Variants in UAP1L1 observed in about 807,000 individuals in gnomAD.
UAP1L1 encodes the protein UDP-N-acetylglucosamine pyrophosphorylase 1 like 1, also known as UDP-N-acetylhexosamine pyrophosphorylase-like protein 1.
In UAP1L1, 45 loss-of-function variants were observed where a neutral mutation model predicts 45.3. The ratio of observed to expected loss-of-function variants is 0.99; its 90% CI spans 0.78 to 1.27. The LOEUF is 1.27. Ranked by LOEUF, UAP1L1 falls within the 50% of genes most tolerant of loss-of-function variation. UAP1L1 has a pLI of 0.00. For synonymous variants in UAP1L1, 323 were observed against 303.9 expected, an observed-to-expected ratio of 1.06 and a Z score of -0.65; for missense variants, 667 against 694.0, an observed-to-expected ratio of 0.96 and a Z score of 0.44.
rs1281955762 is a variant in UAP1L1 at position 137,082,631 on chromosome 9, C to T, written c.1432-6C>T. 3 of 1,551,222 alleles carry T rather than the reference C, an allele frequency of 1.9e-6. No individual in the cohort carries two copies. The highest frequency in any genetic ancestry group is 1.4e-5 in the African/African-American group (1 of 73,146). On this transcript the variant is annotated splice_region_variant and splice_polypyrimidine_tract_variant and intron_variant, in intron 8 of 8. Coordinates refer to ENST00000409858, the MANE Select transcript of UAP1L1 (RefSeq NM_207309.3). The surrounding 1 kb of genome is among the most constrained non-coding windows in gnomAD (Gnocchi z 5.7). ...TACTTGGCCATTGTCCCCTGCTCGT[C>T]TCCAGGGTTTAGAAGTGTACCTGCA...
At chr9:137,080,535 G>A in intron 6 of UAP1L1, 154 bp from the exon 7 acceptor site, 2 of 757,270 alleles carry the variant, frequency 2.6e-6, no homozygotes, top group South Asian at 1.8e-5. Flanking sequence ...CGTCTCAGGA[G>A]CAAAAACACT....
chr9:137,079,755 T>G, intron 5 of UAP1L1: 1 of 602,582 alleles, frequency 1.7e-6, no homozygotes, highest in Non-Finnish European at 2.9e-6. Context: ...CTCTGGGGCT[T>G]GCCAGTTTGT....
In UAP1L1 at chr9:137,084,157, A is replaced by G. The variant is rs965717444; in HGVS notation, c.*1428A>G. 6.6e-6 allele frequency: 1 copy of G among 152,074 alleles called. No homozygotes were observed. Among genetic ancestry groups the G allele is most frequent in the Admixed American group, 6.5e-5 (1 of 15,282 alleles). The allele number at this position is 152,074 out of a possible 1,614,324, so 9.4% of individuals were successfully genotyped here. The stretch of plus-strand genomic sequence containing the variant: ...TGGCCATGACTGGAACAGGGATGCA[A>G]CCTCTTTCTACACAAGCACAGTTAG... On this transcript the variant is annotated 3_prime_UTR_variant, in exon 9 of 9. Coordinates refer to ENST00000409858, the MANE Select transcript of UAP1L1 (RefSeq NM_207309.3).
At chr9:137,080,199 G>T in intron 6 of UAP1L1, 57 bp downstream of exon 6, 2 of 1,599,730 alleles carry the variant, frequency 1.3e-6, no homozygotes, top group Non-Finnish European at 1.7e-6. Context: ...TTTGGTGGTG[G>T]GAACTGAGGC....
At chr9:137,080,206 A>C (rs1832769513) in intron 6 of UAP1L1, 64 bp downstream of exon 6, 8 of 1,592,432 alleles carry the variant, frequency 5.0e-6, no homozygotes, top group Non-Finnish European at 6.0e-6. Flanking sequence ...GTGGGAACTG[A>C]GGCGCAGCTG....
In UAP1L1 at chr9:137,079,355, G is replaced by A. The variant is rs749801324; in HGVS notation, c.943G>A (p.Ala315Thr). ...VEYSEISPETAQLRASDGSLL... is the reference protein window; with the variant it reads ...VEYSEISPETTQLRASDGSLL... ...GTACAGCGAGATCAGTCCTGAGACC[G>A]CACAGCTACGTGCCTCCGACGGGAG... Residue 315 changes from alanine to threonine, a missense_variant, in exon 5 of 9, where the codon GCA (alanine) becomes ACA (threonine). Transcript: ENST00000409858. 1 of 1,613,044 alleles carries A rather than the reference G, an allele frequency of 6.2e-7. No individual in the cohort carries two copies. The highest frequency in any genetic ancestry group is 8.5e-7 in the Non-Finnish European group (1 of 1,179,806).
chr9:137,082,282 C>G lies in UAP1L1; in HGVS notation c.1431+218C>G. ...GTCCTGGGAGGGCATGGGGATGAGA[C>G]AGCCCAGGTCTGAGCCCAGTGTGGG... is the stretch of plus-strand genomic sequence containing the variant. On this transcript the variant is annotated intron_variant, in intron 8 of 8. Coordinates refer to ENST00000409858, the MANE Select transcript of UAP1L1 (RefSeq NM_207309.3). The surrounding 1 kb of genome is among the most constrained non-coding windows in gnomAD (Gnocchi z 5.7). The G allele has an allele frequency of 1.6e-6, 1 of 613,682 alleles. No individual in the cohort carries two copies. Among genetic ancestry groups the G allele is most frequent in the Non-Finnish European group, 2.9e-6 (1 of 345,632 alleles). 38.0% of individuals were successfully genotyped at this position (613,682 alleles called of 1,614,324 possible). A position where few individuals can be genotyped will look rare whatever the true frequency, so the allele number is the denominator to read the frequency against.
chr9:137,081,860 G>A (rs146196734), intron 7 of UAP1L1, 138 bp from the exon 8 acceptor site: 9 of 837,188 alleles, frequency 1.1e-5, no homozygotes, highest in Non-Finnish European at 1.6e-5. Context: ...GGGGTGTCCA[G>A]AGGAAGATGA....
At chr9:137,081,930 C>G (rs1832792950) in intron 7 of UAP1L1, 68 bp from the exon 8 acceptor site, 8 of 1,442,252 alleles carry the variant, frequency 5.5e-6, no homozygotes, top group Non-Finnish European at 7.7e-6. Context: ...CCTATCGGGA[C>G]TGGGGGTGCT....
Position 137,082,088 on chromosome 9 carries a change from G to C in UAP1L1, c.1431+24G>C. The C allele has an allele frequency of 1.9e-6, 3 of 1,612,620 alleles. No individual in the cohort carries two copies. Among genetic ancestry groups the C allele is most frequent in the Non-Finnish European group, 2.5e-6 (3 of 1,178,758 alleles). ...AGGTGAGAGCTGCCCATCCCTATCT[G>C]GGGCTTTTCTGGTGTCAGGTTTGGA... On this transcript the variant is annotated intron_variant, in intron 8 of 8. Coordinates refer to ENST00000409858, the MANE Select transcript of UAP1L1 (RefSeq NM_207309.3). This position sits in a 1 kb window ranked among gnomAD's most constrained non-coding sequence, Gnocchi z 5.7.
chr9:137,079,107 A>G lies in UAP1L1; in HGVS notation c.802A>G (p.Ile268Val), dbSNP rs754541109. The G allele has an allele frequency of 8.7e-6, 14 of 1,611,726 alleles. No homozygotes were observed. The highest frequency in any genetic ancestry group is 1.2e-5 in the Non-Finnish European group (14 of 1,179,654). Residue 268 changes from isoleucine to valine, a missense_variant, in exon 4 of 9, where the codon ATC becomes GTC. By Grantham distance (29) the Ile-to-Val change is conservative. Coordinates refer to ENST00000409858, the MANE Select transcript of UAP1L1 (RefSeq NM_207309.3). ...ILVRLADPVF[I>V]GFCVLQGADC... The stretch of plus-strand genomic sequence containing the variant: ...GGTGCGGCTGGCGGACCCTGTCTTC[A>G]TCGGCTTCTGTGTGTTGCAGGGCGC...
chr9:137,080,451 G>T, intron 6 of UAP1L1: 1 of 598,650 alleles, frequency 1.7e-6, no homozygotes, highest in Non-Finnish European at 2.9e-6. Flanking sequence ...CAGGGCCTTT[G>T]GCCCTCACTG....
In UAP1L1 at chr9:137,078,067, C is replaced by T. The variant is rs1173740081; in HGVS notation, c.307C>T (p.Leu103=). Reference sequence around the variant, plus strand: ...ACCCCCAGGTTTCCGTCAGATTTCTCTGAACAAGGTGGCCGTCCTGCTGCT... The same window carrying T: ...ACCCCCAGGTTTCCGTCAGATTTCTTTGAACAAGGTGGCCGTCCTGCTGCT... ...WEEEGFRQIS[L]NKVAVLLLAG... Residue 103 remains leucine, a synonymous_variant, in exon 2 of 9, where the codon CTG becomes TTG. Coordinates refer to ENST00000409858, the MANE Select transcript of UAP1L1 (RefSeq NM_207309.3). 6.5e-7 allele frequency: 1 copy of T among 1,549,822 alleles called. No homozygotes were observed. Among genetic ancestry groups the T allele is most frequent in the South Asian group, 1.2e-5 (1 of 84,060 alleles).
intron 7 of UAP1L1, among the ~76,000 whole-genome samples, chr9:137,081,516 T>G (rs963106459): frequency 3.9e-5 from 6 of 152,114 alleles, no homozygotes; most frequent in African/African-American, 1.4e-4. Flanking sequence ...CGGCTATTTT[T>G]TTATTTTTAT....
In UAP1L1 at chr9:137,082,338, A is replaced by T; in HGVS notation, c.1431+274A>T. On this transcript the variant is annotated intron_variant, in intron 8 of 8. Transcript: ENST00000409858. The surrounding 1 kb of genome is among the most constrained non-coding windows in gnomAD (Gnocchi z 5.7). The stretch of plus-strand genomic sequence containing the variant: ...TCAGGCCTTGGTGGGGGCCTTGCGG[A>T]GGGAGGACACCGGCCTCTGCTACCT... 1.7e-6 allele frequency: 1 copy of T among 599,318 alleles called. No homozygotes were observed. The highest frequency in any genetic ancestry group is 2.0e-5 in the South Asian group (1 of 50,026). 37.1% of individuals were successfully genotyped at this position (599,318 alleles called of 1,614,324 possible).
rs769915898 is a variant in UAP1L1, at chr9:137,080,698, T to C, written c.1188T>C (p.Ala396=). The C allele has an allele frequency of 2.5e-6, 4 of 1,610,162 alleles. No homozygotes were observed. In the East Asian group the frequency reaches 6.7e-5, roughly 27 times the overall value. ...GCCCTTTCCCCACCAGGAACTTTGC[T>C]GCCTTGGAAGTGCTGCGGGAGGAGG... ...FDVFRFAKNF[A]ALEVLREEEF... is the part of the protein sequence containing the mutation. Residue 396 remains alanine, a synonymous_variant, in exon 7 of 9, where the codon GCT becomes GCC. Coordinates refer to ENST00000409858, the MANE Select transcript of UAP1L1 (RefSeq NM_207309.3).
rs1247380010 is a variant in UAP1L1, at chr9:137,084,385, A to G, written c.*1656A>G. The G allele has an allele frequency of 6.6e-6, 1 of 152,244 alleles. No individual in the cohort carries two copies. The highest frequency in any genetic ancestry group is 1.5e-5 in the Non-Finnish European group (1 of 68,096). The allele number at this position is 152,244 out of a possible 1,614,324, so 9.4% of individuals were successfully genotyped here. A position where few individuals can be genotyped will look rare whatever the true frequency, so the allele number is the denominator to read the frequency against. Reference sequence around the variant, plus strand: ...GAGATGGGGTTTGACCGTGTTAGCCAGGATGGTCTCGATCTCCTGACCTCG... The same window carrying G: ...GAGATGGGGTTTGACCGTGTTAGCCGGGATGGTCTCGATCTCCTGACCTCG... On this transcript the variant is annotated 3_prime_UTR_variant, in exon 9 of 9. Transcript: ENST00000409858.
Position 137,078,282 on chromosome 9 carries a change from C to T in UAP1L1, c.494+28C>T, listed in dbSNP as rs562503587. On this transcript the variant is annotated intron_variant, in intron 2 of 8. Transcript: ENST00000409858. ...GTGTCCTGCCTGCCCTACCTCGGCC[C>T]GGAGGTACCCTTCCCCACGCCCCCC... The T allele has an allele frequency of 1.2e-4, 177 of 1,520,226 alleles. 4 individuals carry two copies. In the South Asian group the frequency reaches 2.1e-3, roughly 18 times the overall value. 94.2% of individuals were successfully genotyped at this position (1,520,226 alleles called of 1,614,324 possible). A position where few individuals can be genotyped will look rare whatever the true frequency, so the allele number is the denominator to read the frequency against.
In UAP1L1 at chr9:137,082,785, A is replaced by C; in HGVS notation, c.*56A>C. The C allele has an allele frequency of 2.1e-6, 3 of 1,422,854 alleles. No homozygotes were observed. Among genetic ancestry groups the C allele is most frequent in the Non-Finnish European group, 2.9e-6 (3 of 1,044,018 alleles). The allele number at this position is 1,422,854 out of a possible 1,614,324, so 88.1% of individuals were successfully genotyped here. A position where few individuals can be genotyped will look rare whatever the true frequency, so the allele number is the denominator to read the frequency against. ...GACCTGCCAGCCCCGGCATCCTGGA[A>C]GTCCCGACTCCCCCCAGACCTGCCA... is the stretch of plus-strand genomic sequence containing the variant. On this transcript the variant is annotated 3_prime_UTR_variant, in exon 9 of 9. Coordinates refer to ENST00000409858, the MANE Select transcript of UAP1L1 (RefSeq NM_207309.3). The surrounding 1 kb of genome is among the most constrained non-coding windows in gnomAD (Gnocchi z 5.7).
Sources: gnomAD v4.1 joint callset for allele counts (sites outside exome capture counted in the v4.1 genomes callset) on GRCh38, gnomAD v4.1.1 for gene constraint, Gnocchi (gnomAD v3.1) non-coding constraint, MANE v1.5 for transcripts, NCBI Gene and HGNC (gene_info 2026-07-23, HGNC 2026-07-21) for gene names.